FIGN: variants seen among roughly 807,000 people sequenced by gnomAD.
FIGN encodes the protein fidgetin, microtubule severing factor, also known as fidgetin.
Under a neutral mutation model 51.3 loss-of-function variants are expected in FIGN, and 11 were observed. That is an observed-to-expected ratio of 0.21 (90% confidence interval 0.13 to 0.35). FIGN has a LOEUF of 0.35. Among genes scored for constraint, FIGN ranks in the 10% least tolerant of loss-of-function variants. The pLI is 1.00. For missense variants in FIGN, 857 were observed against 943.6 expected (o/e 0.91, Z 1.20); for synonymous variants, 407 against 363.2 (o/e 1.12, Z -1.37).
chr2:163,729,213 T>C (rs1469843476), intron 2 of FIGN, among the ~76,000 whole-genome samples: 1 of 152,096 alleles, frequency 6.6e-6, no homozygotes, highest in East Asian at 1.9e-4. Context: ...TACACACATA[T>C]ATATTTCATA....
At chr2:163,735,170 T>C (rs1684995036) in intron 1 of FIGN, 98 bp from the exon 2 acceptor site, 3 of 506,958 alleles carry the variant, frequency 5.9e-6, no homozygotes, top group Non-Finnish European at 1.0e-5. Flanking sequence ...TGACCAGGAA[T>C]GCAAGTCCAT....
At chr2:163,683,216 C>A (rs1684092999) in intron 2 of FIGN, among the ~76,000 whole-genome samples, 1 of 152,122 alleles carries the variant, frequency 6.6e-6, no homozygotes, top group Non-Finnish European at 1.5e-5. Context: ...TTCCTGAATC[C>A]TCAATTCTCT....
chr2:163,717,491 G>A lies in FIGN; in HGVS notation c.25+17412C>T, dbSNP rs538440111. On this transcript the variant is annotated intron_variant, in intron 2 of 2. Transcript: ENST00000333129. Reference sequence around the variant, plus strand: ...TAGAGTCATAGTATTTTGGGGTGATGGAGGGGTGGGACATTTGAGAGAGGT... The same window carrying A: ...TAGAGTCATAGTATTTTGGGGTGATAGAGGGGTGGGACATTTGAGAGAGGT... 2.6e-5 allele frequency among the ~76,000 whole-genome samples: 4 copies of A among 152,190 alleles called. No homozygotes were observed. The South Asian group carries it at 8.3e-4, about 32-fold the overall frequency.
chr2:163,669,465 A>G (rs1683841612), intron 2 of FIGN, among the ~76,000 whole-genome samples: 1 of 152,218 alleles, frequency 6.6e-6, no homozygotes, highest in Admixed American at 6.5e-5. Flanking sequence ...ATAAGAATGC[A>G]TTTCTATCCT....
intron 2 of FIGN, among the ~76,000 whole-genome samples, chr2:163,733,371 C>T (rs548527539): frequency 2.6e-5 from 4 of 152,258 alleles, no homozygotes; most frequent in Admixed American, 1.3e-4. Flanking sequence ...AGTATCAATA[C>T]GGTGAACAGT....
chr2:163,698,751 A>T (rs1247355429), intron 2 of FIGN, among the ~76,000 whole-genome samples: 1 of 152,168 alleles, frequency 6.6e-6, no homozygotes, highest in African/African-American at 2.4e-5. Context: ...CCTGCATTCT[A>T]CCTTTCAATC....
intron 2 of FIGN, among the ~76,000 whole-genome samples, chr2:163,673,980 T>C (rs566868086): frequency 2.0e-5 from 3 of 152,330 alleles, no homozygotes; most frequent in East Asian, 1.9e-4. Context: ...GTCTGTTACA[T>C]AGCTAACATT....
At chr2:163,705,283 G>A (rs1045006290) in intron 2 of FIGN, among the ~76,000 whole-genome samples, 6 of 152,134 alleles carry the variant, frequency 3.9e-5, no homozygotes, top group Non-Finnish European at 7.3e-5. Context: ...AACACTCTTC[G>A]TTGCACAGCT....
rs950966819 is a variant in FIGN at position 163,607,432 on chromosome 2, A to C, written c.*2120T>G. 1 of 152,336 alleles carries C rather than the reference A, an allele frequency of 6.6e-6. No homozygotes were observed. The highest frequency in any genetic ancestry group is 1.5e-5 in the Non-Finnish European group (1 of 68,038). The allele number at this position is 152,336 out of a possible 1,614,324, so 9.4% of individuals were successfully genotyped here. ...TCACAGTAAATTAAATTCTGGTTCA[A>C]TTGCTCAGTTTTTAGCAACATAAAA... On this transcript the variant is annotated 3_prime_UTR_variant, in exon 3 of 3. Coordinates refer to ENST00000333129, the MANE Select transcript of FIGN (RefSeq NM_018086.4).
intron 2 of FIGN, among the ~76,000 whole-genome samples, chr2:163,640,991 G>A (rs1683297260): frequency 6.6e-6 from 1 of 152,148 alleles, no homozygotes; most frequent in Non-Finnish European, 1.5e-5. Context: ...GCCAGGGAGG[G>A]ACAGCACAGA....
chr2:163,631,769 G>A (rs151310742), intron 2 of FIGN, among the ~76,000 whole-genome samples: 3 of 152,256 alleles, frequency 2.0e-5, no homozygotes, highest in South Asian at 4.1e-4. Context: ...TATTTTGTTC[G>A]CAGCTACATC....
At chr2:163,667,888 G>T (rs1321340825) in intron 2 of FIGN, among the ~76,000 whole-genome samples, 1 of 152,092 alleles carries the variant, frequency 6.6e-6, no homozygotes, top group African/African-American at 2.4e-5. Flanking sequence ...CTAGCGCAGA[G>T]CCTGGAATAT....
At chr2:163,634,090 G>A (rs1452498735) in intron 2 of FIGN, among the ~76,000 whole-genome samples, 2 of 16,684 alleles carry the variant, frequency 1.2e-4, no homozygotes, top group Admixed American at 5.0e-4. Flanking sequence ...GTATGTATGC[G>A]TGTGTGTGTG....
intron 2 of FIGN, among the ~76,000 whole-genome samples, chr2:163,697,965 T>C (rs1684349954): frequency 6.6e-6 from 1 of 152,076 alleles, no homozygotes; most frequent in African/African-American, 2.4e-5. Flanking sequence ...TGAGAAGAGA[T>C]AAAGAAAAAG....
At chr2:163,657,761 T>C (rs1683585898) in intron 2 of FIGN, among the ~76,000 whole-genome samples, 1 of 152,170 alleles carries the variant, frequency 6.6e-6, no homozygotes, top group African/African-American at 2.4e-5. Flanking sequence ...GAATTATTCA[T>C]ACTTCAATAA....
intron 2 of FIGN, among the ~76,000 whole-genome samples, chr2:163,625,036 G>C (rs1452539168): frequency 6.6e-6 from 1 of 151,662 alleles, no homozygotes; most frequent in African/African-American, 2.4e-5. Context: ...TCTTCTATTA[G>C]AGCTGGATTA....
At chr2:163,659,679 T>G (rs980076786) in intron 2 of FIGN, among the ~76,000 whole-genome samples, 1 of 152,214 alleles carries the variant, frequency 6.6e-6, no homozygotes, top group African/African-American at 2.4e-5. Flanking sequence ...AAGAATAGGC[T>G]AACTTTTAAA....
chr2:163,715,473 T>C (rs1254823054), intron 2 of FIGN, among the ~76,000 whole-genome samples: 1 of 152,176 alleles, frequency 6.6e-6, no homozygotes, highest in African/African-American at 2.4e-5. Context: ...GCAATGGACA[T>C]GCTGCTGACT....
chr2:163,730,084 A>G (rs1372386289), intron 2 of FIGN, among the ~76,000 whole-genome samples: 2 of 152,220 alleles, frequency 1.3e-5, no homozygotes, highest in East Asian at 3.9e-4. Flanking sequence ...AGCGCTTCTG[A>G]GCAGGCACCT....
Sources: allele counts gnomAD v4.1 joint callset (sites outside exome capture counted in the v4.1 genomes callset), GRCh38; gene constraint gnomAD v4.1.1; transcripts MANE v1.5; gene names NCBI Gene and HGNC (gene_info 2026-07-23, HGNC 2026-07-21).